The following SAG variants were observed in gnomAD, a reference collection of about 807,000 sequenced individuals.
The protein encoded by SAG is S-antigen visual arrestin.
SAG carries 45 observed loss-of-function variants against 55.0 expected under a neutral mutation model. The observed-to-expected ratio is 0.82, with a 90% CI of 0.64 to 1.05. The LOEUF (loss-of-function observed/expected upper bound fraction) is 1.05, where lower values mean the gene tolerates loss of function less well. SAG is among the 50% of genes least tolerant of loss of function. The probability of loss-of-function intolerance (pLI) is 0.00; values close to 1 mark genes in which losing one functional copy is unlikely to be tolerated. For missense variants in SAG, 455 were observed against 512.1 expected (o/e 0.89, Z 1.08); for synonymous variants, 189 against 197.4 (o/e 0.96, Z 0.36).
intron 9 of SAG, 67 bp downstream of exon 9, chr2:233,329,644 GTCACTTC>G: frequency 1.8e-6 from 2 of 1,117,834 alleles, no homozygotes; most frequent in Non-Finnish European, 2.7e-6. Flanking sequence ...TTCCTGAGAG[GTCACTTC>G]TCTGGTCTGA....
intron 8 of SAG, chr2:233,329,192 C>A: frequency 2.6e-6 from 1 of 386,918 alleles, no homozygotes; most frequent in Non-Finnish European, 4.8e-6. Context: ...GGTGGGATGC[C>A]AGCACTTGGC....
Position 233,338,715 on chromosome 2 carries a change from G to C in SAG, c.984G>C (p.Leu328=). The C allele has an allele frequency of 6.2e-7, 1 of 1,613,942 alleles. No individual in the cohort carries two copies. The highest frequency in any genetic ancestry group is 1.1e-5 in the South Asian group (1 of 91,078). The change falls in exon 12 of 16, where the codon CTG becomes CTC. Residue 328 remains leucine (L), a synonymous_variant. Coordinates refer to ENST00000409110, the MANE Select transcript of SAG (RefSeq NM_000541.5). ...TAGACCGGACCGTCCTGGGAATCCT[G>C]GTGTCTTACCAGATCAAGGTGAAGC... ...EGIDRTVLGI[L]VSYQIKVKLT... is the part of the protein sequence containing the mutation.
chr2:233,309,343 A>G, intron 2 of SAG, 79 bp downstream of exon 2: 1 of 1,282,494 alleles, frequency 7.8e-7, no homozygotes, highest in Non-Finnish European at 1.1e-6. Context: ...CAGTGTAGTC[A>G]TGATCAACAT....
At chr2:233,327,356 T>C (rs932944313) in intron 7 of SAG, 159 bp downstream of exon 7, 1 of 532,602 alleles carries the variant, frequency 1.9e-6, no homozygotes, top group Non-Finnish European at 3.4e-6. Flanking sequence ...TGATCATTTT[T>C]GGGGAAAAAA....
chr2:233,342,318 A>G lies in SAG; in HGVS notation c.1094A>G (p.Glu365Gly), dbSNP rs1398963931. The G allele has an allele frequency of 6.2e-7, 1 of 1,607,162 alleles. No individual in the cohort carries two copies. Residue 365 changes from glutamate to glycine, a missense_variant, in exon 14 of 16, where the codon GAG becomes GGG. Physicochemically the swap from Glu to Gly is moderately conservative, Grantham distance 98. Coordinates refer to ENST00000409110, the MANE Select transcript of SAG (RefSeq NM_000541.5). ...VPFRLMHPQP[E>G]DPAKESYQDA... Reference sequence around the variant, plus strand: ...TTCCGCCTCATGCACCCTCAGCCTGAGGACCCAGGTCAGTTATGTCCTTTT... The same window carrying G: ...TTCCGCCTCATGCACCCTCAGCCTGGGGACCCAGGTCAGTTATGTCCTTTT...
intron 13 of SAG, among the ~76,000 whole-genome samples, chr2:233,341,006 G>T (rs1273299248): frequency 6.6e-6 from 1 of 151,938 alleles, no homozygotes; most frequent in African/African-American, 2.4e-5. Context: ...TAGAGACGGG[G>T]TTTCCCCATG....
At chr2:233,336,374 G>A (rs1700927622) in intron 11 of SAG, among the ~76,000 whole-genome samples, 7 of 152,230 alleles carry the variant, frequency 4.6e-5, no homozygotes, top group Middle Eastern at 3.4e-3. Flanking sequence ...AATTAGCCAG[G>A]TGTGGTGGTG....
chr2:233,316,113 T>A lies in SAG; in HGVS notation c.114T>A (p.His38Gln), dbSNP rs572519144. 1.1e-5 allele frequency: 18 copies of A among 1,598,274 alleles called. No individual in the cohort carries two copies. The African/African-American group carries it at 2.3e-4, about 20-fold the overall frequency. Reference protein sequence around the residue: ...IYLGNRDYIDHVSQVQPVDGV... With the variant: ...IYLGNRDYIDQVSQVQPVDGV... ...TGGGGAACAGAGACTACATAGACCATGTCAGCCAAGTCCAGCCTGTGGGTA... is the reference window on the plus strand; with the variant it reads ...TGGGGAACAGAGACTACATAGACCAAGTCAGCCAAGTCCAGCCTGTGGGTA... Residue 38 changes from histidine to glutamine, a missense_variant, in exon 3 of 16, where the codon CAT becomes CAA. Coordinates refer to ENST00000409110, the MANE Select transcript of SAG (RefSeq NM_000541.5).
intron 1 of SAG, 121 bp from the exon 2 acceptor site, chr2:233,309,041 A>G (rs1700007257): frequency 3.4e-6 from 2 of 593,632 alleles, no homozygotes; most frequent in Admixed American, 2.9e-5. Flanking sequence ...AGCCGGTACA[A>G]GGGCATGGTG....
intron 3 of SAG, among the ~76,000 whole-genome samples, chr2:233,316,425 C>T (rs1310340353): frequency 6.6e-6 from 1 of 152,042 alleles, no homozygotes; most frequent in East Asian, 1.9e-4. Context: ...GATTCTTCTG[C>T]CTCAGCCTCC....
Position 233,309,671 on chromosome 2 carries a change from G to A in SAG, c.75+407G>A, listed in dbSNP as rs139599552. ...AATAAAAAACAAACAAACACTGTGA[G>A]GGCCAGGGAAGCTTTGTGTCTATTT... On this transcript the variant is annotated intron_variant, in intron 2 of 15. Coordinates refer to ENST00000409110, the MANE Select transcript of SAG (RefSeq NM_000541.5). 2.6e-4 allele frequency among the ~76,000 whole-genome samples: 40 copies of A among 152,254 alleles called. 1 individual carries two copies. The highest frequency in any genetic ancestry group is 5.9e-4 in the Admixed American group (9 of 15,290).
At chr2:233,327,269 T>C (rs1700591288) in intron 7 of SAG, 72 bp downstream of exon 7, 2 of 1,266,148 alleles carry the variant, frequency 1.6e-6, no homozygotes, top group Admixed American at 3.4e-5. Flanking sequence ...CTCCACCTTG[T>C]CTCTGTGGGA....
intron 7 of SAG, chr2:233,328,139 G>T: frequency 4.3e-6 from 1 of 233,900 alleles, no homozygotes. Flanking sequence ...GTATATGGCA[G>T]CTATTCCATG....
In SAG at chr2:233,331,627, C is replaced by T. The variant is rs2125340574; in HGVS notation, c.734-13C>T. On this transcript the variant is annotated splice_polypyrimidine_tract_variant and intron_variant, in intron 9 of 15. Coordinates refer to ENST00000409110, the MANE Select transcript of SAG (RefSeq NM_000541.5). ...CCAGTGCTGACCACCGGACTCCCGTCTTCCCCTTGCAGTGGAACAGGTGGC... is the reference window on the plus strand; with the variant it reads ...CCAGTGCTGACCACCGGACTCCCGTTTTCCCCTTGCAGTGGAACAGGTGGC... 6.2e-7 allele frequency: 1 copy of T among 1,602,712 alleles called. No individual in the cohort carries two copies. Among genetic ancestry groups the T allele is most frequent in the Non-Finnish European group, 8.5e-7 (1 of 1,169,822 alleles).
chr2:233,329,170 C>T (rs372487007), intron 8 of SAG: 54 of 368,138 alleles, frequency 1.5e-4, no homozygotes, highest in African/African-American at 7.8e-4. Context: ...CTGTGTTACA[C>T]GGGCTCTGCT....
At chr2:233,316,181 A>G (rs761759136) in intron 3 of SAG, 46 bp downstream of exon 3, 2 of 1,093,396 alleles carry the variant, frequency 1.8e-6, no homozygotes. Flanking sequence ...CCTTTAAGTC[A>G]CAGATAACCG....
rs780084927 is a variant in SAG at position 233,335,109 on chromosome 2, C to T, written c.944+10C>T. ...TTGCCTCCAGCACCATGTGAGTCCT[C>T]GAGGCTCAGGGAATAAGCCCTGGCA... On this transcript the variant is annotated intron_variant, in intron 11 of 15. Coordinates refer to ENST00000409110, the MANE Select transcript of SAG (RefSeq NM_000541.5). 6.8e-5 allele frequency: 109 copies of T among 1,605,946 alleles called. No homozygotes were observed. The highest frequency in any genetic ancestry group is 8.0e-5 in the Non-Finnish European group (94 of 1,173,722).
intron 4 of SAG, chr2:233,320,068 T>C (rs1466497782): frequency 1.3e-6 from 1 of 792,962 alleles, no homozygotes; most frequent in Non-Finnish European, 1.5e-6. Context: ...GTTTAGAGAA[T>C]GCTCAGTATG....
chr2:233,325,295 G>A (rs1700515855), intron 6 of SAG, among the ~76,000 whole-genome samples: 1 of 150,968 alleles, frequency 6.6e-6, no homozygotes, highest in Non-Finnish European at 1.5e-5. Context: ...GGCGGAGGTT[G>A]CAGTGAACTG....
Sources: allele counts gnomAD v4.1 joint callset (sites outside exome capture counted in the v4.1 genomes callset), GRCh38; gene constraint gnomAD v4.1.1; transcripts MANE v1.5; gene names NCBI Gene and HGNC (gene_info 2026-07-23, HGNC 2026-07-21).